The following MET variants were observed in gnomAD, a reference collection of about 807,000 sequenced individuals.
The protein encoded by MET is MET proto-oncogene, receptor tyrosine kinase, also known as hepatocyte growth factor receptor.
MET carries 48 observed loss-of-function variants against 133.1 expected under a neutral mutation model. The observed-to-expected ratio is 0.36, with a 90% CI of 0.29 to 0.46. MET has a LOEUF of 0.46. Among genes scored for constraint, MET ranks in the 20% least tolerant of loss-of-function variants. The pLI, the probability that MET is intolerant of heterozygous loss-of-function variation, is 1.00. For missense variants in MET, 1,442 were observed against 1,695.9 expected (o/e 0.85, Z 2.63); for synonymous variants, 628 against 616.5 (o/e 1.02, Z -0.28).
rs557190488 is a variant in MET at position 116,685,519 on chromosome 7, C to T, written c.-15+12942C>T. Among the ~76,000 whole-genome samples, 6 of 152,054 alleles carry T rather than the reference C, an allele frequency of 3.9e-5. No homozygotes were observed. The East Asian group carries it at 1.2e-3, about 29-fold the overall frequency. The stretch of plus-strand genomic sequence containing the variant: ...TGGCCAACATGGTGAAACCCCGTCT[C>T]TACTAAAAATACAAAATTTAGCCAG... On this transcript the variant is annotated intron_variant, in intron 1 of 20. Transcript: ENST00000397752.
At chr7:116,761,022 T>C (rs1200898159) in intron 10 of MET, among the ~76,000 whole-genome samples, 1 of 152,192 alleles carries the variant, frequency 6.6e-6, no homozygotes, top group Non-Finnish European at 1.5e-5. Context: ...TCTGAGAAAT[T>C]ATTAGTTTAT....
chr7:116,781,842 T>A (rs1483135845), intron 17 of MET, 146 bp from the exon 18 acceptor site: 6 of 648,834 alleles, frequency 9.2e-6, no homozygotes, highest in Non-Finnish European at 1.6e-5. Context: ...CCTCTCAAAG[T>A]TCTGGGATTA....
intron 18 of MET, 143 bp from the exon 19 acceptor site, chr7:116,783,161 A>T: frequency 1.1e-6 from 1 of 884,446 alleles, no homozygotes; most frequent in Non-Finnish European, 1.8e-6. Flanking sequence ...ATTTAGTGTT[A>T]GTCAATAGAG....
intron 3 of MET, among the ~76,000 whole-genome samples, chr7:116,733,079 C>T (rs1019321897): frequency 1.3e-5 from 2 of 152,100 alleles, no homozygotes; most frequent in Non-Finnish European, 1.5e-5. Flanking sequence ...TCCATCTTGA[C>T]CATTTAATTC....
At chr7:116,745,755 C>T (rs1358882208) in intron 5 of MET, among the ~76,000 whole-genome samples, 1 of 152,194 alleles carries the variant, frequency 6.6e-6, no homozygotes, top group African/African-American at 2.4e-5. Context: ...GGATCCCTTC[C>T]TTACACCTTA....
At chr7:116,690,091 T>C (rs960875934) in intron 1 of MET, among the ~76,000 whole-genome samples, 2 of 152,148 alleles carry the variant, frequency 1.3e-5, no homozygotes, top group African/African-American at 4.8e-5. Context: ...AGTCACCAGG[T>C]ATTTGGAGTG....
At chr7:116,782,166 A>G in intron 18 of MET, 69 bp downstream of exon 18, 1 of 1,057,784 alleles carries the variant, frequency 9.5e-7, no homozygotes, top group Non-Finnish European at 1.5e-6. Context: ...CCCACTGTTC[A>G]ATGCTAGTTA....
intron 19 of MET, among the ~76,000 whole-genome samples, chr7:116,788,161 C>G (rs1389869505): frequency 6.6e-6 from 1 of 151,992 alleles, no homozygotes; most frequent in Non-Finnish European, 1.5e-5. Flanking sequence ...CAGTGGTTGC[C>G]TGGGGCCAAG....
At chr7:116,715,458 A>G (rs779666633) in intron 2 of MET, among the ~76,000 whole-genome samples, 1 of 152,350 alleles carries the variant, frequency 6.6e-6, no homozygotes, top group African/African-American at 2.4e-5. Context: ...GACAACAGTC[A>G]TTGAATTCAG....
intron 11 of MET, among the ~76,000 whole-genome samples, chr7:116,767,084 G>A (rs1468013917): frequency 6.6e-6 from 1 of 152,112 alleles, no homozygotes; most frequent in Non-Finnish European, 1.5e-5. Flanking sequence ...TGGACCCTCA[G>A]CCTGGCTGAG....
At chr7:116,680,800 G>A (rs1287314329) in intron 1 of MET, among the ~76,000 whole-genome samples, 1 of 152,036 alleles carries the variant, frequency 6.6e-6, no homozygotes, top group Non-Finnish European at 1.5e-5. Context: ...AAAGTAGCTG[G>A]ACATGGTGGC....
chr7:116,682,266 T>A (rs138917893), intron 1 of MET, among the ~76,000 whole-genome samples: 181 of 152,362 alleles, frequency 1.2e-3, no homozygotes, highest in African/African-American at 4.1e-3. Flanking sequence ...CCAAACATTA[T>A]TAAAGATATT....
Position 116,741,785 on chromosome 7 carries a change from G to A in MET, c.1701+760G>A, listed in dbSNP as rs552871115. Among the ~76,000 whole-genome samples the A allele has an allele frequency of 1.4e-4, 21 of 152,274 alleles. No individual in the cohort carries two copies. The South Asian group carries it at 4.3e-3, about 32-fold the overall frequency. ...TTAATTCATTCCAAAAATATTTATTGAGTGCATACCATTTAGCAGGCTGCC... is the reference window on the plus strand; with the variant it reads ...TTAATTCATTCCAAAAATATTTATTAAGTGCATACCATTTAGCAGGCTGCC... On this transcript the variant is annotated intron_variant, in intron 5 of 20. Coordinates refer to ENST00000397752, the MANE Select transcript of MET (RefSeq NM_000245.4).
intron 1 of MET, among the ~76,000 whole-genome samples, chr7:116,676,268 G>T (rs1273751798): frequency 6.6e-6 from 1 of 152,104 alleles, no homozygotes; most frequent in Non-Finnish European, 1.5e-5. Flanking sequence ...ATTATATAAT[G>T]GGCAATAGAA....
intron 2 of MET, among the ~76,000 whole-genome samples, chr7:116,726,125 G>A (rs1420685246): frequency 1.8e-4 from 18 of 101,544 alleles, no homozygotes; most frequent in African/African-American, 6.8e-4. Flanking sequence ...TCATTATGCA[G>A]CACATGACTA....
At chr7:116,777,711 G>A (rs1795037658) in intron 16 of MET, among the ~76,000 whole-genome samples, 1 of 152,144 alleles carries the variant, frequency 6.6e-6, no homozygotes, top group South Asian at 2.1e-4. Flanking sequence ...TGGATGAACT[G>A]AGTATCATTT....
At chr7:116,681,973 T>C (rs1229113386) in intron 1 of MET, among the ~76,000 whole-genome samples, 2 of 152,168 alleles carry the variant, frequency 1.3e-5, no homozygotes, top group Non-Finnish European at 2.9e-5. Flanking sequence ...TAAATGAATA[T>C]GCATTTTGGA....
intron 17 of MET, among the ~76,000 whole-genome samples, chr7:116,779,883 T>C (rs958775220): frequency 1.3e-5 from 2 of 152,218 alleles, no homozygotes; most frequent in African/African-American, 4.8e-5. Flanking sequence ...ATATTACATG[T>C]GTGTCTTGCT....
intron 2 of MET, among the ~76,000 whole-genome samples, chr7:116,719,322 C>T (rs1332855371): frequency 6.6e-6 from 1 of 151,432 alleles, no homozygotes; most frequent in Non-Finnish European, 1.5e-5. Context: ...TATCCTTCGC[C>T]CACTTTTTGA....
Sources: allele counts gnomAD v4.1 joint callset (sites outside exome capture counted in the v4.1 genomes callset), GRCh38; gene constraint gnomAD v4.1.1; transcripts MANE v1.5; gene names NCBI Gene and HGNC (gene_info 2026-07-23, HGNC 2026-07-21).